CACNA1D: variants seen among roughly 807,000 people sequenced by gnomAD.
The protein encoded by CACNA1D is voltage-dependent L-type calcium channel subunit alpha-1D.
A neutral mutation model predicts 257.1 loss-of-function variants in CACNA1D; 55 were observed. The ratio of observed to expected loss-of-function variants is 0.21; its 90% confidence interval spans 0.17 to 0.27. The LOEUF (loss-of-function observed/expected upper bound fraction) is 0.27. Among genes scored for constraint, CACNA1D ranks in the 10% least tolerant of loss-of-function variants. The pLI is 1.00. For missense variants in CACNA1D, 1,876 were observed against 2,784.0 expected (o/e 0.67, Z 7.34); for synonymous variants, 980 against 1,014.9 (o/e 0.97, Z 0.65).
At chr3:53,643,902 G>A (rs928061528) in intron 3 of CACNA1D, among the ~76,000 whole-genome samples, 5 of 152,208 alleles carry the variant, frequency 3.3e-5, no homozygotes, top group Non-Finnish European at 7.3e-5. Context: ...GCCATGATGA[G>A]GGAGCAGGTG....
chr3:53,771,612 A>G (rs1026241424), intron 32 of CACNA1D, among the ~76,000 whole-genome samples: 2 of 152,256 alleles, frequency 1.3e-5, no homozygotes, highest in African/African-American at 4.8e-5. Flanking sequence ...AAGGCACAGA[A>G]TCCTCGACAG....
At chr3:53,517,217 TGAATCCTAATCCCTCACTGCAAG>T (rs1395099384) in intron 3 of CACNA1D, among the ~76,000 whole-genome samples, 85 of 7,062 alleles carry the variant, frequency 0.012, no homozygotes, top group African/African-American at 0.055. Context: ...TGCAAGGCCC[TGAATCCTAATCCCTCACTGCAAG>T]GCCCTGAATC....
chr3:53,632,059 A>T (rs2108124150), intron 3 of CACNA1D, among the ~76,000 whole-genome samples: 1 of 152,376 alleles, frequency 6.6e-6, no homozygotes, highest in East Asian at 1.9e-4. Flanking sequence ...CAAGAGAGTC[A>T]GCCTGTCCTT....
At position 53,666,098 on chromosome 3, in the gene CACNA1D, A is replaced by AGGAGGATGCTGTAAGCGCAGGTGC. The variant is rs371479975; in HGVS notation, c.920-240_920-217dup. ...AACAGCATTGTGCTATCTAAGCCTA[A>AGGAGGATGCTGTAAGCGCAGGTGC]GGAGGATGCTGTAAGCGCAGGTGCA... On this transcript the variant is annotated intron_variant, in intron 6 of 47. Coordinates refer to ENST00000350061, the MANE Select transcript of CACNA1D (RefSeq NM_001128840.3). 9.4e-3 allele frequency among the ~76,000 whole-genome samples: 1,425 copies of AGGAGGATGCTGTAAGCGCAGGTGC among 152,292 alleles called. 21 individuals carry two copies. The highest frequency in any genetic ancestry group is 0.033 in the African/African-American group (1,365 of 41,542).
chr3:53,495,340 G>A lies in CACNA1D; in HGVS notation c.67+107G>A, dbSNP rs2090298286. 2 of 1,352,650 alleles carry A rather than the reference G, an allele frequency of 1.5e-6. No individual in the cohort carries two copies. The highest frequency in any genetic ancestry group is 2.1e-6 in the Non-Finnish European group (2 of 945,998). The allele number at this position is 1,352,650 out of a possible 1,614,324, so 83.8% of individuals were successfully genotyped here. ...CTGGATGGGTTGAGGGGGTTGGAGA[G>A]GGTGCTGCCAGCTCGGTGTCGTCTA... is the stretch of plus-strand genomic sequence containing the variant. On this transcript the variant is annotated intron_variant, in intron 1 of 47. Transcript: ENST00000350061. This position sits in a 1 kb window ranked among gnomAD's most constrained non-coding sequence, Gnocchi z 5.1.
rs959998852 is a variant in CACNA1D at position 53,775,302 on chromosome 3, T to G, written c.4203-584T>G. ...CATTAAAAATAATCAATAGGCCAGG[T>G]GCAGTGGCTCACGCCTGTAATCCCA... is the stretch of plus-strand genomic sequence containing the variant. On this transcript the variant is annotated intron_variant, in intron 34 of 47. Transcript: ENST00000350061. Among the ~76,000 whole-genome samples the G allele has an allele frequency of 2.0e-5, 3 of 152,274 alleles. No individual in the cohort carries two copies. In the East Asian group the frequency reaches 5.8e-4, roughly 29 times the overall value.
intron 43 of CACNA1D, 51 bp from the exon 44 acceptor site, chr3:53,803,371 AG>A (rs940530284): frequency 2.4e-5 from 39 of 1,609,774 alleles, no homozygotes; most frequent in Non-Finnish European, 3.3e-5. Flanking sequence ...CAGCTGCAGC[AG>A]GAATTATCTG....
At chr3:53,755,321 A>G (rs886203044) in intron 29 of CACNA1D, among the ~76,000 whole-genome samples, 1 of 151,632 alleles carries the variant, frequency 6.6e-6, no homozygotes, top group Admixed American at 6.6e-5. Flanking sequence ...CATGGTGTGT[A>G]TGTGTGTGTG....
chr3:53,574,068 G>A (rs1376226323), intron 3 of CACNA1D, among the ~76,000 whole-genome samples: 1 of 152,168 alleles, frequency 6.6e-6, no homozygotes, highest in African/African-American at 2.4e-5. Flanking sequence ...CTCTGGAGGA[G>A]GAAGGGCAAG....
chr3:53,678,244 A>G (rs1434557825), intron 8 of CACNA1D, among the ~76,000 whole-genome samples: 1 of 152,266 alleles, frequency 6.6e-6, no homozygotes, highest in African/African-American at 2.4e-5. Context: ...TAATTCGCTT[A>G]TGAATTCAAA....
chr3:53,810,090 C>G lies in CACNA1D; in HGVS notation c.5984C>G (p.Pro1995Arg). ...PATPPYRDWT[P>R]CYTPLIQVEQ... ...ACCCCTCCCTACCGGGACTGGACAC[C>G]GTGCTACACCCCCCTGATCCAAGTG... The change falls in exon 47 of 48, where the codon CCG becomes CGG. Residue 1995 changes from proline (P) to arginine (R), a missense_variant. Around this residue, in one of 10 missense-constraint regions of CACNA1D, gnomAD observed 491 missense variants for 554.3 expected, o/e 0.89. Transcript: ENST00000350061. The G allele has an allele frequency of 6.2e-7, 1 of 1,613,940 alleles. No individual in the cohort carries two copies. The highest frequency in any genetic ancestry group is 8.5e-7 in the Non-Finnish European group (1 of 1,180,010).
rs11929589 is a variant in CACNA1D at position 53,649,993 on chromosome 3, C to T, written c.484-786C>T. Among the ~76,000 whole-genome samples the T allele has an allele frequency of 8.5e-3, 1,302 of 152,282 alleles. 12 individuals carry two copies. The highest frequency in any genetic ancestry group is 0.026 in the African/African-American group (1,100 of 41,530). ...ATGGGTTGGAACTGGAAAGGTTCTA[C>T]GAGTCATTTAGCCCGTGAGCAGCAC... On this transcript the variant is annotated intron_variant, in intron 3 of 47. Transcript: ENST00000350061.
At chr3:53,803,358 G>A in intron 43 of CACNA1D, 65 bp from the exon 44 acceptor site, 1 of 1,593,612 alleles carries the variant, frequency 6.3e-7, no homozygotes, top group Middle Eastern at 1.7e-4. Flanking sequence ...ACAGGCAGAG[G>A]TGCAGCTGCA....
chr3:53,571,803 G>A (rs1465209653), intron 3 of CACNA1D, among the ~76,000 whole-genome samples: 1 of 152,152 alleles, frequency 6.6e-6, no homozygotes, highest in Non-Finnish European at 1.5e-5. Context: ...TTACAAAAAA[G>A]CGTGTCCTGT....
intron 21 of CACNA1D, among the ~76,000 whole-genome samples, chr3:53,741,721 A>ACT (rs2095120409): frequency 6.6e-6 from 1 of 151,840 alleles, no homozygotes; most frequent in Admixed American, 6.6e-5. Context: ...CCGCCAGAAC[A>ACT]CTCACCGGCT....
At chr3:53,758,844 A>G (rs1001553774) in intron 29 of CACNA1D, among the ~76,000 whole-genome samples, 6 of 152,158 alleles carry the variant, frequency 3.9e-5, no homozygotes, top group African/African-American at 1.4e-4. Flanking sequence ...GCCCTCTGTT[A>G]GGAGCCGTGT....
chr3:53,592,508 A>C (rs1421679818), intron 3 of CACNA1D, among the ~76,000 whole-genome samples: 1 of 152,174 alleles, frequency 6.6e-6, no homozygotes, highest in Non-Finnish European at 1.5e-5. Context: ...GGAGCAGGGG[A>C]CATTATCTGA....
intron 3 of CACNA1D, among the ~76,000 whole-genome samples, chr3:53,611,913 G>T (rs189228042): frequency 6.6e-6 from 1 of 152,262 alleles, no homozygotes; most frequent in African/African-American, 2.4e-5. Flanking sequence ...AAATGAGTGT[G>T]CCAGTAAAAC....
intron 3 of CACNA1D, among the ~76,000 whole-genome samples, chr3:53,552,363 C>T (rs1167416533): frequency 1.3e-5 from 2 of 152,142 alleles, no homozygotes; most frequent in Admixed American, 1.3e-4. Flanking sequence ...CTCTTCTCGA[C>T]ATAGACCAAT....
Sources: allele counts gnomAD v4.1 joint callset (sites outside exome capture counted in the v4.1 genomes callset), GRCh38; gene constraint gnomAD v4.1.1; regional missense constraint gnomAD v4.1.1; non-coding constraint Gnocchi (gnomAD v3.1); transcripts MANE v1.5; gene names NCBI Gene and HGNC (gene_info 2026-07-23, HGNC 2026-07-21).